MAGI1: variants seen among roughly 807,000 people sequenced by gnomAD.
MAGI1 encodes membrane associated guanylate kinase, WW and PDZ domain containing 1.
MAGI1 carries 58 observed loss-of-function variants against 139.9 expected under a neutral mutation model. The ratio of observed to expected loss-of-function variants is 0.41; its 90% CI spans 0.34 to 0.52. The LOEUF (loss-of-function observed/expected upper bound fraction) is 0.52. MAGI1 is among the 20% of genes least tolerant of loss of function. The pLI, the probability that MAGI1 is intolerant of heterozygous loss-of-function variation, is 0.12. For missense variants in MAGI1, 1,874 were observed against 1,901.6 expected, an observed-to-expected ratio of 0.99 and a Z score of 0.27; for synonymous variants, 812 against 737.9, an observed-to-expected ratio of 1.10 and a Z score of -1.63.
chr3:65,386,867 G>C (rs988753788), intron 14 of MAGI1, among the ~76,000 whole-genome samples: 12 of 152,170 alleles, frequency 7.9e-5, no homozygotes, highest in Admixed American at 5.9e-4. Context: ...TAATTAGAAA[G>C]AATGGACCCA....
chr3:65,608,063 G>A (rs141720299), intron 2 of MAGI1, among the ~76,000 whole-genome samples: 4,419 of 152,282 alleles, frequency 0.029, 107 homozygotes, highest in African/African-American at 0.053. Flanking sequence ...GACAACCAGT[G>A]CAAGCACAGC....
intron 12 of MAGI1, among the ~76,000 whole-genome samples, chr3:65,418,664 C>T (rs148067595): frequency 2.0e-5 from 3 of 152,294 alleles, no homozygotes; most frequent in East Asian, 1.9e-4. Flanking sequence ...CCTATCCATA[C>T]ACAAGAACGC....
At chr3:65,423,651 C>T (rs1158794728) in intron 12 of MAGI1, among the ~76,000 whole-genome samples, 7 of 152,216 alleles carry the variant, frequency 4.6e-5, no homozygotes, top group Non-Finnish European at 8.8e-5. Flanking sequence ...TGTTTAAGCA[C>T]TGTCTGGAGC....
At chr3:65,430,450 A>C (rs1471175870) in intron 11 of MAGI1, among the ~76,000 whole-genome samples, 3 of 152,090 alleles carry the variant, frequency 2.0e-5, no homozygotes, top group Non-Finnish European at 4.4e-5. Context: ...AGTTTTAGTA[A>C]CTCATTGCTT....
intron 1 of MAGI1, among the ~76,000 whole-genome samples, chr3:65,819,746 G>A (rs994180580): frequency 2.0e-5 from 3 of 151,104 alleles, no homozygotes; most frequent in African/African-American, 7.3e-5. Context: ...GCGTGGTGGT[G>A]CATGTCTGTA....
At chr3:65,406,803 C>CTA (rs571595404) in intron 12 of MAGI1, among the ~76,000 whole-genome samples, 1,484 of 145,306 alleles carry the variant, frequency 0.01, 17 homozygotes, top group African/African-American at 0.028. Flanking sequence ...ATCTCTCTCT[C>CTA]TCTATATATA....
intron 13 of MAGI1, among the ~76,000 whole-genome samples, chr3:65,400,735 G>A (rs1944802499): frequency 7.4e-6 from 1 of 135,432 alleles, no homozygotes; most frequent in Non-Finnish European, 1.5e-5. Context: ...GATTGGAAAG[G>A]ACAGCAAAAC....
rs550809675 is a variant in MAGI1 at position 65,677,677 on chromosome 3, G to C, written c.314-55589C>G. On this transcript the variant is annotated intron_variant, in intron 1 of 22. Transcript: ENST00000402939. ...ACAGCTTTCTGCAGTTAGTATGGGA[G>C]TTTGGTGGGAACCTCTGCACTTTCT... is the stretch of plus-strand genomic sequence containing the variant. Among the ~76,000 whole-genome samples the C allele has an allele frequency of 1.1e-4, 17 of 152,316 alleles. No homozygotes were observed. In the South Asian group the frequency reaches 3.5e-3, roughly 32 times the overall value.
At chr3:65,430,678 C>G in intron 11 of MAGI1, 21 bp downstream of exon 11, 1 of 1,611,454 alleles carries the variant, frequency 6.2e-7, no homozygotes, top group South Asian at 1.1e-5. Context: ...ACAGAACACA[C>G]TAAGGCCATG....
chr3:65,994,928 C>A (rs535181402), intron 1 of MAGI1, among the ~76,000 whole-genome samples: 1 of 152,320 alleles, frequency 6.6e-6, no homozygotes, highest in East Asian at 1.9e-4. Context: ...CTGTCCTCCA[C>A]AAAGACCAGT....
At chr3:65,770,737 G>A (rs2037880294) in intron 1 of MAGI1, among the ~76,000 whole-genome samples, 1 of 152,044 alleles carries the variant, frequency 6.6e-6, no homozygotes, top group African/African-American at 2.4e-5. Flanking sequence ...TCACCAGGCT[G>A]GAGTGCAGTG....
At chr3:65,378,688 T>C (rs1271578051) in intron 17 of MAGI1, among the ~76,000 whole-genome samples, 4 of 151,562 alleles carry the variant, frequency 2.6e-5, no homozygotes, top group Non-Finnish European at 5.9e-5. Flanking sequence ...CTTTTCTTTT[T>C]TTTTTTTTTT....
chr3:65,991,223 C>T (rs991306176), intron 1 of MAGI1, among the ~76,000 whole-genome samples: 31 of 129,142 alleles, frequency 2.4e-4, no homozygotes, highest in African/African-American at 9.2e-4. Flanking sequence ...CAGAAGGTGG[C>T]GGTTGCAATG....
chr3:65,834,802 G>A (rs566903192), intron 1 of MAGI1, among the ~76,000 whole-genome samples: 2 of 152,300 alleles, frequency 1.3e-5, no homozygotes, highest in East Asian at 3.9e-4. Flanking sequence ...TCGACATGGT[G>A]GAATGACCCT....
chr3:65,760,727 G>A (rs1049670391), intron 1 of MAGI1, among the ~76,000 whole-genome samples: 2 of 152,112 alleles, frequency 1.3e-5, no homozygotes. Flanking sequence ...TTTGAGCCCA[G>A]ATGGTCAGGC....
chr3:65,917,817 G>A (rs551045166), intron 1 of MAGI1, among the ~76,000 whole-genome samples: 7 of 152,254 alleles, frequency 4.6e-5, no homozygotes, highest in African/African-American at 7.2e-5. Flanking sequence ...ATTTTTAGGC[G>A]GTGAAACTAG....
At chr3:65,721,074 G>A (rs1454257946) in intron 1 of MAGI1, among the ~76,000 whole-genome samples, 1 of 152,128 alleles carries the variant, frequency 6.6e-6, no homozygotes, top group Admixed American at 6.5e-5. Flanking sequence ...CCGAGCTGCT[G>A]TTAACCTGTC....
At chr3:65,840,269 T>A (rs2058760570) in intron 1 of MAGI1, among the ~76,000 whole-genome samples, 1 of 152,296 alleles carries the variant, frequency 6.6e-6, no homozygotes, top group South Asian at 2.1e-4. Context: ...CTTGCCTTAC[T>A]ACCCTAGCTA....
chr3:65,598,788 G>A (rs2082349571), intron 2 of MAGI1, among the ~76,000 whole-genome samples: 1 of 152,196 alleles, frequency 6.6e-6, no homozygotes, highest in African/African-American at 2.4e-5. Flanking sequence ...CTCTTTAAAA[G>A]ATTCTCTAAG....
Sources: gnomAD v4.1 joint callset for allele counts (sites outside exome capture counted in the v4.1 genomes callset) on GRCh38, gnomAD v4.1.1 for gene constraint, MANE v1.5 for transcripts, NCBI Gene and HGNC (gene_info 2026-07-23, HGNC 2026-07-21) for gene names.